The following FAM184A variants were observed in gnomAD, a reference collection of about 807,000 sequenced individuals.
FAM184A encodes the protein protein FAM184A.
Under a neutral mutation model 143.8 loss-of-function variants are expected in FAM184A, and 99 were observed. That is an observed-to-expected ratio of 0.69 (90% confidence interval 0.58 to 0.81). FAM184A has a LOEUF of 0.81. Ranked by LOEUF, FAM184A falls within the 40% of genes least tolerant of loss-of-function variation. FAM184A has a pLI of 0.00. For synonymous variants in FAM184A, 427 were observed against 446.4 expected (o/e 0.96, Z 0.55); for missense variants, 1,217 against 1,310.5 (o/e 0.93, Z 1.10).
intron 14 of FAM184A, among the ~76,000 whole-genome samples, chr6:118,971,115 A>T (rs1783683529): frequency 6.6e-6 from 1 of 152,218 alleles, no homozygotes; most frequent in African/African-American, 2.4e-5. Flanking sequence ...GAAATATAGC[A>T]ATTGAAGCAC....
intron 1 of FAM184A, among the ~76,000 whole-genome samples, chr6:119,051,815 T>A (rs1357228933): frequency 6.6e-6 from 1 of 152,184 alleles, no homozygotes; most frequent in African/African-American, 2.4e-5. Context: ...GAATAAGAAC[T>A]TGGAAATTAA....
chr6:119,061,531 C>CTTTTTTTTTTTTTTT (rs977029986), intron 1 of FAM184A, among the ~76,000 whole-genome samples: 14 of 58,560 alleles, frequency 2.4e-4, no homozygotes, highest in African/African-American at 2.9e-4. Flanking sequence ...AATTATTTTT[C>CTTTTTTTTTTTTTTT]TTTTTTTTTT....
intron 1 of FAM184A, among the ~76,000 whole-genome samples, chr6:119,030,383 CTATT>C (rs1353235326): frequency 6.6e-6 from 1 of 151,898 alleles, no homozygotes; most frequent in African/African-American, 2.4e-5. Flanking sequence ...ATAAAGGTAA[CTATT>C]TATTAGTGTC....
At chr6:119,044,170 A>C (rs551824965) in intron 1 of FAM184A, among the ~76,000 whole-genome samples, 28 of 152,354 alleles carry the variant, frequency 1.8e-4, no homozygotes, top group African/African-American at 6.7e-4. Context: ...TGTCCTAGCT[A>C]GAGCAATTAT....
intron 1 of FAM184A, among the ~76,000 whole-genome samples, chr6:119,039,961 C>T (rs1328092313): frequency 6.6e-6 from 1 of 152,218 alleles, no homozygotes; most frequent in African/African-American, 2.4e-5. Context: ...CCTAAACACA[C>T]TACGCGTGCT....
At chr6:119,068,403 G>C (rs1325355833) in intron 1 of FAM184A, among the ~76,000 whole-genome samples, 1 of 152,194 alleles carries the variant, frequency 6.6e-6, no homozygotes, top group African/African-American at 2.4e-5. Flanking sequence ...ACCAAGTGGG[G>C]AGGGGATAGT....
At chr6:119,010,063 G>T (rs185846798) in intron 6 of FAM184A, among the ~76,000 whole-genome samples, 10 of 152,294 alleles carry the variant, frequency 6.6e-5, no homozygotes, top group Admixed American at 2.6e-4. Flanking sequence ...ATACCCCTCA[G>T]TGTGGAAGCA....
At chr6:119,106,305 T>C (rs185644237) in intron 1 of FAM184A, among the ~76,000 whole-genome samples, 91 of 93,922 alleles carry the variant, frequency 9.7e-4, no homozygotes, top group Admixed American at 4.2e-3. Flanking sequence ...GACGGGAGAA[T>C]GGCTTGAACC....
chr6:119,045,644 C>T (rs552457694), intron 1 of FAM184A, among the ~76,000 whole-genome samples: 17 of 152,248 alleles, frequency 1.1e-4, no homozygotes, highest in African/African-American at 3.9e-4. Context: ...ACCAGACTGC[C>T]TGCCTGCCTC....
At chr6:119,018,940 A>G (rs1036128845) in intron 4 of FAM184A, among the ~76,000 whole-genome samples, 1 of 152,140 alleles carries the variant, frequency 6.6e-6, no homozygotes, top group Admixed American at 6.6e-5. Flanking sequence ...GAAACTTAGT[A>G]CTTTTGAGAG....
intron 15 of FAM184A, among the ~76,000 whole-genome samples, chr6:118,965,464 C>A (rs1783474311): frequency 6.6e-6 from 1 of 152,112 alleles, no homozygotes; most frequent in South Asian, 2.1e-4. Context: ...AGAGATAAAA[C>A]CTTTACCTTT....
Position 119,088,005 on chromosome 6 carries a change from A to G in FAM184A, c.-202+61073T>C, listed in dbSNP as rs1452505683. Among the ~76,000 whole-genome samples, 4 of 152,226 alleles carry G rather than the reference A, an allele frequency of 2.6e-5. No individual in the cohort carries two copies. In the East Asian group the frequency reaches 7.7e-4, roughly 29 times the overall value. On this transcript the variant is annotated intron_variant, in intron 1 of 16. Coordinates refer to the FAM184A transcript ENST00000352896. ...GTTACAAAAGGACAAATACCATATG[A>G]TGTTTTACTTATATGAAGTAGCTAG...
intron 9 of FAM184A, among the ~76,000 whole-genome samples, chr6:118,984,156 AAAATAT>A (rs1055033913): frequency 1.7e-5 from 2 of 120,836 alleles, no homozygotes; most frequent in African/African-American, 6.9e-5. Flanking sequence ...ATTTAAAAAA[AAAATAT>A]ATATATATAT....
intron 1 of FAM184A, among the ~76,000 whole-genome samples, chr6:119,132,307 T>C (rs1789555067): frequency 6.6e-6 from 1 of 152,242 alleles, no homozygotes; most frequent in African/African-American, 2.4e-5. Context: ...GCTAAGAGTT[T>C]ATCTTCTATC....
chr6:118,974,523 C>T lies in FAM184A; in HGVS notation c.2820G>A (p.Met940Ile), dbSNP rs1473515013. 3.1e-6 allele frequency: 5 copies of T among 1,611,284 alleles called. No individual in the cohort carries two copies. Among genetic ancestry groups the T allele is most frequent in the Non-Finnish European group, 4.2e-6 (5 of 1,178,630 alleles). ...TTTTCTCTCTGAGGTGGTCTGCTGTCATGACATCCAACTCTTTTTCAAGTC... is the reference window on the plus strand; with the variant it reads ...TTTTCTCTCTGAGGTGGTCTGCTGTTATGACATCCAACTCTTTTTCAAGTC... ...NKRLEKELDVMTADHLREKNI... is the reference protein window; with the variant it reads ...NKRLEKELDVITADHLREKNI... Residue 940 changes from methionine to isoleucine, a missense_variant, in exon 14 of 18, where the codon ATG becomes ATA. By Grantham distance (10) the Met-to-Ile change is conservative. Coordinates refer to ENST00000338891, the MANE Select transcript of FAM184A (RefSeq NM_024581.6).
At chr6:119,003,181 T>C in intron 8 of FAM184A, 132 bp from the exon 9 acceptor site, 1 of 825,002 alleles carries the variant, frequency 1.2e-6, no homozygotes. Context: ...AAGCAGATTA[T>C]TTACTTAAGG....
At chr6:119,128,322 T>A (rs2114871727) in intron 1 of FAM184A, among the ~76,000 whole-genome samples, 1 of 152,316 alleles carries the variant, frequency 6.6e-6, no homozygotes, top group African/African-American at 2.4e-5. Context: ...ATAGGGTTTT[T>A]AAAGGGAAAC....
At chr6:118,991,002 C>T (rs1245846079) in intron 9 of FAM184A, among the ~76,000 whole-genome samples, 2 of 151,560 alleles carry the variant, frequency 1.3e-5, no homozygotes, top group African/African-American at 4.9e-5. Context: ...AACTATGTAT[C>T]TCACCCTGTA....
chr6:118,971,212 A>T (rs140938720), intron 14 of FAM184A, among the ~76,000 whole-genome samples: 572 of 152,308 alleles, frequency 3.8e-3, no homozygotes, highest in Non-Finnish European at 6.8e-3. Context: ...AAAGCTTACA[A>T]CCATACCTGA....
Sources: allele counts gnomAD v4.1 joint callset (sites outside exome capture counted in the v4.1 genomes callset), GRCh38; gene constraint gnomAD v4.1.1; transcripts MANE v1.5; gene names NCBI Gene and HGNC (gene_info 2026-07-23, HGNC 2026-07-21).